UBXN2A: variants seen among roughly 807,000 people sequenced by gnomAD.
UBXN2A encodes UBX domain protein 2A.
A neutral mutation model predicts 28.4 loss-of-function variants in UBXN2A; 28 were observed. That is an observed-to-expected ratio of 0.99 (90% CI 0.73 to 1.35). UBXN2A has a LOEUF of 1.35. Ranked by LOEUF, UBXN2A falls within the 40% of genes most tolerant of loss-of-function variation. The pLI is 0.00. For synonymous variants in UBXN2A, 97 were observed against 103.6 expected (o/e 0.94, Z 0.39); for missense variants, 253 against 297.9 (o/e 0.85, Z 1.11).
rs766715781 is a variant in UBXN2A, at chr2:24,003,289, TA to T, written c.*3424del. 1.3e-5 allele frequency: 2 copies of T among 152,228 alleles called. No individual in the cohort carries two copies. The highest frequency in any genetic ancestry group is 2.9e-5 in the Non-Finnish European group (2 of 68,040). The allele number at this position is 152,228 out of a possible 1,614,324, so 9.4% of individuals were successfully genotyped here. A position where few individuals can be genotyped will look rare whatever the true frequency, so the allele number is the denominator to read the frequency against. The stretch of plus-strand genomic sequence containing the variant: ...CACTGAAACACATCTGCTAGACCAC[TA>T]AGTTTATCCTTGTCACCCAGTTTGC... On this transcript the variant is annotated 3_prime_UTR_variant, in exon 7 of 7. Coordinates refer to ENST00000309033, the MANE Select transcript of UBXN2A (RefSeq NM_181713.4).
intron 2 of UBXN2A, among the ~76,000 whole-genome samples, chr2:23,963,152 A>G (rs1288925891): frequency 6.6e-6 from 1 of 152,150 alleles, no homozygotes; most frequent in East Asian, 1.9e-4. Context: ...GGTCCCTCCC[A>G]CAACACATGG....
At chr2:23,950,093 A>G (rs1226448040) in intron 1 of UBXN2A, among the ~76,000 whole-genome samples, 5 of 142,780 alleles carry the variant, frequency 3.5e-5, no homozygotes, top group African/African-American at 1.3e-4. Flanking sequence ...TGTGTAAGTC[A>G]TGGTACTTAT....
At chr2:23,934,866 G>A (rs1056215918) in intron 1 of UBXN2A, among the ~76,000 whole-genome samples, 2 of 152,108 alleles carry the variant, frequency 1.3e-5, no homozygotes, top group African/African-American at 4.8e-5. Flanking sequence ...CTGAGGTCAA[G>A]AGTTCAAGAC....
At chr2:23,991,774 T>C (rs190937957) in intron 6 of UBXN2A, among the ~76,000 whole-genome samples, 1 of 150,374 alleles carries the variant, frequency 6.7e-6, no homozygotes, top group East Asian at 2.0e-4. Context: ...GCCCGGCCTT[T>C]TTTGTTTTTT....
chr2:23,975,059 T>G (rs1558298250), intron 3 of UBXN2A, among the ~76,000 whole-genome samples: 1 of 152,042 alleles, frequency 6.6e-6, no homozygotes, highest in Non-Finnish European at 1.5e-5. Flanking sequence ...GTGAGATTAG[T>G]GTCATTTTGA....
At chr2:23,966,825 G>C (rs1707201346) in intron 2 of UBXN2A, among the ~76,000 whole-genome samples, 1 of 147,870 alleles carries the variant, frequency 6.8e-6, no homozygotes. Flanking sequence ...CCCAGGCCTG[G>C]AGTACATTGA....
At chr2:23,967,901 C>T (rs938099245) in intron 2 of UBXN2A, among the ~76,000 whole-genome samples, 11 of 150,944 alleles carry the variant, frequency 7.3e-5, no homozygotes, top group South Asian at 2.1e-4. Flanking sequence ...CCCTGAGTAT[C>T]GGCATTTTAG....
At chr2:23,969,388 T>C (rs2150863373) in intron 2 of UBXN2A, among the ~76,000 whole-genome samples, 1 of 151,556 alleles carries the variant, frequency 6.6e-6, no homozygotes, top group African/African-American at 2.4e-5. Flanking sequence ...CATTTATTTA[T>C]GTATTTGCTC....
chr2:23,927,899 G>A (rs903231906), intron 1 of UBXN2A, among the ~76,000 whole-genome samples: 1 of 152,202 alleles, frequency 6.6e-6, no homozygotes, highest in South Asian at 2.1e-4. Context: ...CTGTAGGCCG[G>A]GTGCGGTGGC....
intron 1 of UBXN2A, among the ~76,000 whole-genome samples, chr2:23,934,175 C>T (rs1390116406): frequency 1.3e-5 from 2 of 152,020 alleles, no homozygotes; most frequent in East Asian, 3.8e-4. Flanking sequence ...CGCACCACTG[C>T]ACTCCAGCCT....
chr2:23,932,124 C>T (rs1341183580), intron 1 of UBXN2A, among the ~76,000 whole-genome samples: 8 of 152,100 alleles, frequency 5.3e-5, no homozygotes, highest in South Asian at 2.1e-4. Context: ...TCGAGACCAG[C>T]CTGGCCAACA....
At chr2:23,962,487 G>A (rs193004368) in intron 2 of UBXN2A, among the ~76,000 whole-genome samples, 3 of 151,960 alleles carry the variant, frequency 2.0e-5, no homozygotes, top group African/African-American at 7.2e-5. Flanking sequence ...CTACAACTCA[G>A]TAGCAAAAAA....
chr2:23,971,546 T>A, intron 3 of UBXN2A, 132 bp downstream of exon 3: 1 of 1,011,846 alleles, frequency 9.9e-7, no homozygotes, highest in Non-Finnish European at 1.3e-6. Context: ...TGGAGTGCAG[T>A]GGCTCGATCT....
At chr2:23,980,814 G>A (rs532124407) in intron 4 of UBXN2A, among the ~76,000 whole-genome samples, 197 of 151,992 alleles carry the variant, frequency 1.3e-3, no homozygotes, top group African/African-American at 4.5e-3. Context: ...TTTAGTAGAG[G>A]CAGGGTTTTA....
In UBXN2A at chr2:24,002,391, T is replaced by C. The variant is rs1312697029; in HGVS notation, c.*2524T>C. On this transcript the variant is annotated 3_prime_UTR_variant, in exon 7 of 7. Transcript: ENST00000309033. ...CTGCACTCTAGCTTAGGCAACAGAG[T>C]AAGACCCTGCCGTAATAATAATAAC... 2 of 151,218 alleles carry C rather than the reference T, an allele frequency of 1.3e-5. No homozygotes were observed. The highest frequency in any genetic ancestry group is 4.9e-5 in the African/African-American group (2 of 41,100). The allele number at this position is 151,218 out of a possible 1,614,324, so 9.4% of individuals were successfully genotyped here.
intron 6 of UBXN2A, among the ~76,000 whole-genome samples, chr2:23,997,237 G>C (rs939393122): frequency 6.6e-6 from 1 of 151,978 alleles, no homozygotes; most frequent in African/African-American, 2.4e-5. Flanking sequence ...AATCTTGTCA[G>C]ATTTGTTCAT....
At chr2:23,967,492 G>A (rs1043841888) in intron 2 of UBXN2A, among the ~76,000 whole-genome samples, 12 of 152,166 alleles carry the variant, frequency 7.9e-5, no homozygotes, top group Admixed American at 4.6e-4. Context: ...TATATACCAT[G>A]TTTAGGCTTT....
At chr2:23,980,133 C>G (rs1707836550) in intron 4 of UBXN2A, among the ~76,000 whole-genome samples, 3 of 152,122 alleles carry the variant, frequency 2.0e-5, no homozygotes, top group African/African-American at 7.2e-5. Flanking sequence ...TCCATTTTCC[C>G]CTGCAGCCCT....
chr2:23,989,965 T>C (rs1415715802), intron 6 of UBXN2A, among the ~76,000 whole-genome samples: 1 of 152,192 alleles, frequency 6.6e-6, no homozygotes, highest in African/African-American at 2.4e-5. Flanking sequence ...AACTAACTTC[T>C]ACAGTGCAAG....
Sources: allele counts gnomAD v4.1 joint callset (sites outside exome capture counted in the v4.1 genomes callset), GRCh38; gene constraint gnomAD v4.1.1; transcripts MANE v1.5; gene names NCBI Gene and HGNC (gene_info 2026-07-23, HGNC 2026-07-21).